The following ERG variants were observed in gnomAD, a reference collection of about 807,000 sequenced individuals.
ERG encodes transcriptional regulator ERG.
ERG carries 9 observed loss-of-function variants against 55.3 expected under a neutral mutation model. The observed-to-expected ratio is 0.16, with a 90% CI of 0.10 to 0.28. The LOEUF is 0.28. ERG is among the 10% of genes least tolerant of loss of function. The pLI, the probability that ERG is intolerant of heterozygous loss-of-function variation, is 1.00. For missense variants in ERG, 434 were observed against 631.6 expected (o/e 0.69, Z 3.35); for synonymous variants, 223 against 237.3 (o/e 0.94, Z 0.55).
At chr21:38,501,659 C>A (rs537481228), upstream of ERG, among the ~76,000 whole-genome samples, 22 of 152,124 alleles carry the variant, frequency 1.4e-4, no homozygotes, top group Non-Finnish European at 2.6e-4. Context: ...CTGCCATGAG[C>A]CTATCAGGGC....
At chr21:38,384,317 T>C (rs1323870102) in intron 9 of ERG, among the ~76,000 whole-genome samples, 1 of 152,224 alleles carries the variant, frequency 6.6e-6, no homozygotes, top group Non-Finnish European at 1.5e-5. Context: ...AGAAACTTCC[T>C]TAGCGCTGCC....
At chr21:38,536,168 G>A (rs1278805714) in intron 2 of ERG, among the ~76,000 whole-genome samples, 2 of 152,000 alleles carry the variant, frequency 1.3e-5, no homozygotes, top group Admixed American at 6.6e-5. Context: ...CCTAAAAATC[G>A]ATTAATGGAC....
chr21:38,655,850 T>C (rs1409601114), intron 1 of ERG, among the ~76,000 whole-genome samples: 1 of 152,158 alleles, frequency 6.6e-6, no homozygotes, highest in Non-Finnish European at 1.5e-5. Flanking sequence ...CAGCTCTAAG[T>C]AAAGGCTGGT....
intron 1 of ERG, among the ~76,000 whole-genome samples, chr21:38,454,465 C>A (rs561413438): frequency 2.6e-5 from 4 of 152,318 alleles, no homozygotes; most frequent in Admixed American, 2.0e-4. Flanking sequence ...AACAACTTCC[C>A]CAGGTGAGCT....
chr21:38,377,427 G>A (rs1987273009), downstream of ERG, among the ~76,000 whole-genome samples: 1 of 152,156 alleles, frequency 6.6e-6, no homozygotes. Context: ...AAAAGAAGAG[G>A]ACAGCTAGCC....
chr21:38,636,537 T>C (rs1383655261), intron 1 of ERG, among the ~76,000 whole-genome samples: 1 of 152,196 alleles, frequency 6.6e-6, no homozygotes, highest in Non-Finnish European at 1.5e-5. Flanking sequence ...CTGAAGGTAT[T>C]TACTCAAGCC....
chr21:38,585,146 C>T (rs1252624290), upstream of ERG, among the ~76,000 whole-genome samples: 1 of 152,082 alleles, frequency 6.6e-6, no homozygotes, highest in East Asian at 1.9e-4. Context: ...CATTATGAAG[C>T]AAAAATCGGG....
intron 1 of ERG, among the ~76,000 whole-genome samples, chr21:38,463,405 A>AT (rs1219867853): frequency 6.6e-6 from 1 of 152,164 alleles, no homozygotes; most frequent in Admixed American, 6.5e-5. Context: ...GGAGCAGGAG[A>AT]TTCGTCAGGG....
chr21:38,528,471 G>T lies in ERG; in HGVS notation c.-41+47191C>A, dbSNP rs7276827. Among the ~76,000 whole-genome samples the T allele has an allele frequency of 2.7e-4, 3 of 10,998 alleles. 1 individual carries two copies. The highest frequency in any genetic ancestry group is 7.7e-4 in the Non-Finnish European group (3 of 3,894). The allele number at this position is 10,998 out of a possible 152,430, so 7.2% of individuals were successfully genotyped here. A position where few individuals can be genotyped will look rare whatever the true frequency, so the allele number is the denominator to read the frequency against. On this transcript the variant is annotated intron_variant, in intron 2 of 8. Coordinates refer to the ERG transcript ENST00000398897. ...TTTTTTTTTTTTTTTTTTTTGAGACGGAGTCTCGCTCTGTCGCCCAGGCTG... is the reference window on the plus strand; with the variant it reads ...TTTTTTTTTTTTTTTTTTTTGAGACTGAGTCTCGCTCTGTCGCCCAGGCTG...
At chr21:38,374,164 T>C in the ERG span, among the ~76,000 whole-genome samples, 1 of 152,254 alleles carries the variant, frequency 6.6e-6, no homozygotes, top group South Asian at 2.1e-4. Flanking sequence ...CGCTCTCTTG[T>C]GCTCCAACCC....
chr21:38,609,069 A>C (rs1195034853), intron 1 of ERG, among the ~76,000 whole-genome samples: 2 of 152,146 alleles, frequency 1.3e-5, no homozygotes, highest in African/African-American at 4.8e-5. Context: ...AGAACCTACA[A>C]TCCATGTAAG....
At chr21:38,580,326 T>A (rs1035211372) in intron 1 of ERG, among the ~76,000 whole-genome samples, 3 of 152,238 alleles carry the variant, frequency 2.0e-5, no homozygotes, top group African/African-American at 7.2e-5. Context: ...ATGGATTTTT[T>A]AAAGAGTACT....
intron 2 of ERG, among the ~76,000 whole-genome samples, chr21:38,533,092 A>G (rs530940149): frequency 1.2e-3 from 189 of 152,306 alleles, no homozygotes; most frequent in African/African-American, 4.3e-3. Context: ...CACACAACAT[A>G]CGGTACTTTA....
At chr21:38,625,915 C>CTTTTTT (rs397797559) in intron 1 of ERG, among the ~76,000 whole-genome samples, 17 of 84,456 alleles carry the variant, frequency 2.0e-4, no homozygotes, top group African/African-American at 8.0e-4. Flanking sequence ...ACTTGAAGCT[C>CTTTTTT]TTTTTTTTTT....
chr21:38,413,036 G>A (rs971421015), intron 3 of ERG, among the ~76,000 whole-genome samples: 4 of 152,148 alleles, frequency 2.6e-5, no homozygotes, highest in African/African-American at 4.8e-5. Context: ...GTGGGGACTC[G>A]GGTAATGACA....
In ERG at chr21:38,380,360, C is replaced by G. The variant is rs1464653548; in HGVS notation, c.*3043G>C. 1 of 1,060,168 alleles carries G rather than the reference C, an allele frequency of 9.4e-7. No homozygotes were observed. The highest frequency in any genetic ancestry group is 1.6e-5 in the African/African-American group (1 of 60,718). The allele number at this position is 1,060,168 out of a possible 1,614,324, so 65.7% of individuals were successfully genotyped here. ...AGCCTTCTAACTGCAGCAGTCCTGACAAAGCACTTTGTGAACCCCTCCGGG... is the reference window on the plus strand; with the variant it reads ...AGCCTTCTAACTGCAGCAGTCCTGAGAAAGCACTTTGTGAACCCCTCCGGG... On this transcript the variant is annotated 3_prime_UTR_variant, in exon 10 of 10. Transcript: ENST00000288319.
intron 3 of ERG, among the ~76,000 whole-genome samples, chr21:38,419,064 A>T (rs770480458): frequency 2.0e-5 from 3 of 152,184 alleles, no homozygotes; most frequent in Non-Finnish European, 4.4e-5. Flanking sequence ...CTCTTATTAC[A>T]ACTGGTTTCA....
intron 6 of ERG, chr21:38,395,351 G>C (rs1988163565): frequency 4.4e-6 from 1 of 227,296 alleles, no homozygotes; most frequent in Non-Finnish European, 8.7e-6. Context: ...TTGACTGCTT[G>C]AAAAATCACT....
At chr21:38,569,932 T>C (rs1200425854) in intron 2 of ERG, among the ~76,000 whole-genome samples, 2 of 152,178 alleles carry the variant, frequency 1.3e-5, no homozygotes, top group African/African-American at 4.8e-5. Context: ...GGAGTTTATT[T>C]TTCACTGCTG....
Sources: allele counts gnomAD v4.1 joint callset (sites outside exome capture counted in the v4.1 genomes callset), GRCh38; gene constraint gnomAD v4.1.1; transcripts MANE v1.5; gene names NCBI Gene and HGNC (gene_info 2026-07-23, HGNC 2026-07-21).